CTBP2: variants seen among roughly 807,000 people sequenced by gnomAD.
CTBP2 encodes the protein C-terminal binding protein 2.
CTBP2 carries 30 observed loss-of-function variants against 80.3 expected under a neutral mutation model. That is an observed-to-expected ratio of 0.37 (90% CI 0.28 to 0.51). The LOEUF (loss-of-function observed/expected upper bound fraction) is 0.51, where lower values mean the gene tolerates loss of function less well. Ranked by LOEUF, CTBP2 falls within the 20% of genes least tolerant of loss-of-function variation. The pLI is 0.93. For missense variants in CTBP2, 1,212 were observed against 1,375.3 expected, an observed-to-expected ratio of 0.88 and a Z score of 1.88; for synonymous variants, 594 against 587.4, an observed-to-expected ratio of 1.01 and a Z score of -0.16.
At chr10:125,025,486 CTG>C (rs761595581) in intron 1 of CTBP2, among the ~76,000 whole-genome samples, 10 of 152,232 alleles carry the variant, frequency 6.6e-5, no homozygotes, top group Middle Eastern at 3.2e-3. Context: ...GAGACTAAAT[CTG>C]TTTTTGAAAC....
intron 2 of CTBP2, among the ~76,000 whole-genome samples, chr10:125,108,023 T>TA (rs929911515): frequency 1.3e-5 from 2 of 152,200 alleles, no homozygotes; most frequent in Non-Finnish European, 2.9e-5. Context: ...AAAATAGTAC[T>TA]AAAAAACCAT....
chr10:125,004,273 C>T (rs1414375448), intron 1 of CTBP2, among the ~76,000 whole-genome samples: 1 of 152,190 alleles, frequency 6.6e-6, no homozygotes, highest in African/African-American at 2.4e-5. Flanking sequence ...TGGTGGAAGG[C>T]CTTACCTGCC....
chr10:124,994,822 TAGTG>T, intron 4 of CTBP2, 139 bp from the exon 7 acceptor site: 1 of 881,048 alleles, frequency 1.1e-6, no homozygotes, highest in Non-Finnish European at 1.8e-6. Flanking sequence ...GCCCAAAGCT[TAGTG>T]AGGCCTGAGG....
At chr10:125,112,515 G>A (rs188204281) in intron 1 of CTBP2, among the ~76,000 whole-genome samples, 7 of 145,426 alleles carry the variant, frequency 4.8e-5, no homozygotes, top group South Asian at 2.3e-4. Context: ...TGCAACCTCC[G>A]CCTCCCAGGT....
chr10:125,065,759 T>C (rs575004731), intron 2 of CTBP2, among the ~76,000 whole-genome samples: 1 of 152,270 alleles, frequency 6.6e-6, no homozygotes, highest in South Asian at 2.1e-4. Context: ...AGGGTCACTG[T>C]CCTCTTCTAG....
At chr10:125,148,101 C>T (rs1218859443) in intron 1 of CTBP2, among the ~76,000 whole-genome samples, 1 of 152,172 alleles carries the variant, frequency 6.6e-6, no homozygotes, top group Admixed American at 6.5e-5. Context: ...TGCCACACTT[C>T]CTTGTTTTGC....
intron 1 of CTBP2, among the ~76,000 whole-genome samples, chr10:125,151,731 C>T (rs1056233483): frequency 6.6e-6 from 1 of 152,194 alleles, no homozygotes; most frequent in African/African-American, 2.4e-5. Flanking sequence ...CGAGTGCGGG[C>T]TGGGGGCCAA....
chr10:125,026,939 T>C lies in CTBP2; in HGVS notation c.821A>G (p.Glu274Gly), dbSNP rs1176759779. 2 of 1,613,910 alleles carry C rather than the reference T, an allele frequency of 1.2e-6. No individual in the cohort carries two copies. Among genetic ancestry groups the C allele is most frequent in the African/African-American group, 2.7e-5 (2 of 74,930 alleles). ...ACCCTGGAAGGTGGACAGGTCAGCT[T>C]CGTAAGTCTCGTAAGCCATCTTGGA... Residue 274 changes from glutamate (E) to glycine (G), a missense_variant, in exon 1 of 9, where the codon GAA becomes GGA. This residue lies in a region of CTBP2 where 848 missense variants were observed against 782.3 expected (regional missense o/e 1.08). Coordinates refer to ENST00000309035, the MANE Select transcript of CTBP2 (RefSeq NM_022802.3).
intron 2 of CTBP2, among the ~76,000 whole-genome samples, chr10:125,073,740 T>C (rs1028384573): frequency 1.3e-5 from 2 of 152,226 alleles, no homozygotes; most frequent in African/African-American, 4.8e-5. Flanking sequence ...AAATTTCTCT[T>C]AGAACATAGT....
chr10:125,022,178 C>A (rs1036620485), intron 1 of CTBP2, among the ~76,000 whole-genome samples: 11 of 152,092 alleles, frequency 7.2e-5, no homozygotes, highest in African/African-American at 2.7e-4. Context: ...GAGCTCTGCC[C>A]TTCTCCTGCT....
chr10:124,994,783 G>A (rs2304729), intron 4 of CTBP2, 100 bp from the exon 7 acceptor site: 26 of 1,134,744 alleles, frequency 2.3e-5, no homozygotes, highest in East Asian at 1.8e-4. Flanking sequence ...TGGCATCCCC[G>A]CTGGTAGCTG....
chr10:125,119,018 T>C (rs1199654240), intron 1 of CTBP2, among the ~76,000 whole-genome samples: 1 of 152,232 alleles, frequency 6.6e-6, no homozygotes, highest in Non-Finnish European at 1.5e-5. Context: ...TGGGGCATCC[T>C]GGTGTCAGGC....
Position 125,027,716 on chromosome 10 carries a change from C to G in CTBP2, c.44G>C (p.Ser15Thr). The change falls in exon 1 of 9, where the codon AGC (serine) becomes ACC (threonine). Residue 15 changes from serine to threonine, a missense_variant. Coordinates refer to ENST00000309035, the MANE Select transcript of CTBP2 (RefSeq NM_022802.3). Reference sequence around the variant, plus strand: ...CTCGTACCACCCAGCAGCATCCCAGCTCTGAGAACGACCAATATTTATATG... The same window carrying G: ...CTCGTACCACCCAGCAGCATCCCAGGTCTGAGAACGACCAATATTTATATG... 6.2e-7 allele frequency: 1 copy of G among 1,611,326 alleles called. No individual in the cohort carries two copies. The highest frequency in any genetic ancestry group is 8.5e-7 in the Non-Finnish European group (1 of 1,178,316).
At chr10:125,144,764 T>C (rs999398341) in intron 1 of CTBP2, among the ~76,000 whole-genome samples, 3 of 152,256 alleles carry the variant, frequency 2.0e-5, no homozygotes, top group African/African-American at 7.2e-5. Context: ...GTGGCATCCA[T>C]CTTTGACTTG....
chr10:125,032,272 T>C (rs181471773), upstream of CTBP2, among the ~76,000 whole-genome samples: 162 of 152,316 alleles, frequency 1.1e-3, no homozygotes, highest in African/African-American at 3.7e-3. Context: ...AGGTGCTCAA[T>C]GAACACCACC....
At chr10:125,099,050 G>C (rs774504610) in intron 2 of CTBP2, among the ~76,000 whole-genome samples, 1 of 152,196 alleles carries the variant, frequency 6.6e-6, no homozygotes, top group Non-Finnish European at 1.5e-5. Flanking sequence ...AGTCTAGGGA[G>C]ACACTGTAGA....
At chr10:125,021,003 G>A (rs1956981195) in intron 1 of CTBP2, among the ~76,000 whole-genome samples, 1 of 152,180 alleles carries the variant, frequency 6.6e-6, no homozygotes, top group Admixed American at 6.5e-5. Context: ...CAGCAGCTTG[G>A]CCGCTGTCTA....
intron 1 of CTBP2, among the ~76,000 whole-genome samples, chr10:125,113,182 G>C (rs942878571): frequency 6.6e-6 from 1 of 152,152 alleles, no homozygotes; most frequent in Non-Finnish European, 1.5e-5. Flanking sequence ...AGGAAGGGAG[G>C]GACAAGCATA....
At chr10:125,022,986 T>TA in intron 1 of CTBP2, among the ~76,000 whole-genome samples, 1 of 152,270 alleles carries the variant, frequency 6.6e-6, no homozygotes. Flanking sequence ...GCTTTCTACC[T>TA]AGGAGATCAG....
Sources: gnomAD v4.1 joint callset for allele counts (sites outside exome capture counted in the v4.1 genomes callset) on GRCh38, gnomAD v4.1.1 for gene constraint, gnomAD v4.1.1 regional missense constraint, MANE v1.5 for transcripts, NCBI Gene and HGNC (gene_info 2026-07-23, HGNC 2026-07-21) for gene names.